LRRC7: variants seen among roughly 807,000 people sequenced by gnomAD.
LRRC7 encodes leucine-rich repeat-containing protein 7.
Under a neutral mutation model 175.7 loss-of-function variants are expected in LRRC7, and 23 were observed. The observed-to-expected ratio is 0.13, with a 90% confidence interval of 0.09 to 0.19. The LOEUF (loss-of-function observed/expected upper bound fraction) is 0.19, where lower values mean the gene tolerates loss of function less well. LRRC7 is among the 10% of genes least tolerant of loss of function. The pLI is 1.00. For missense variants in LRRC7, 1,354 were observed against 1,904.7 expected, an observed-to-expected ratio of 0.71 and a Z score of 5.38; for synonymous variants, 685 against 680.9, an observed-to-expected ratio of 1.01 and a Z score of -0.09.
chr1:69,886,412 C>G (rs1687203928), intron 7 of LRRC7, among the ~76,000 whole-genome samples: 1 of 151,438 alleles, frequency 6.6e-6, no homozygotes. Flanking sequence ...GGTTTAAAGT[C>G]TGTTTTATCA....
rs1474758251 is a variant in LRRC7, at chr1:70,124,487, T to C, written c.*2600T>C. On this transcript the variant is annotated 3_prime_UTR_variant, in exon 27 of 27. Coordinates refer to ENST00000651989, the MANE Select transcript of LRRC7 (RefSeq NM_001370785.2). ...TTGCAGTGAGCTGAGATTGTGCCAC[T>C]GCACTCCGGCCTGGGCAACAGAGCG... is the stretch of plus-strand genomic sequence containing the variant. Among the ~76,000 whole-genome samples, 1 of 152,132 alleles carries C rather than the reference T, an allele frequency of 6.6e-6. No homozygotes were observed. Among genetic ancestry groups the C allele is most frequent in the Admixed American group, 6.5e-5 (1 of 15,270 alleles).
chr1:69,856,426 G>A (rs1683635520), intron 7 of LRRC7, among the ~76,000 whole-genome samples: 1 of 152,034 alleles, frequency 6.6e-6, no homozygotes, highest in Non-Finnish European at 1.5e-5. Flanking sequence ...AATGATAAAG[G>A]AGATACCACT....
At chr1:69,776,847 G>A (rs929937546) in intron 3 of LRRC7, among the ~76,000 whole-genome samples, 64 of 150,380 alleles carry the variant, frequency 4.3e-4, no homozygotes, top group Admixed American at 4.6e-4. Flanking sequence ...GTGGGTCTGT[G>A]TGGGTGTGTG....
chr1:70,114,423 GGAGGCAGAGGCAGGAGGATTGCTT>G (rs916557528), intron 26 of LRRC7, among the ~76,000 whole-genome samples: 7 of 152,154 alleles, frequency 4.6e-5, no homozygotes, highest in Non-Finnish European at 8.8e-5. Context: ...CAGTGCTTTG[GGAGGCAGAGGCAGGAGGATTGCTT>G]GAGGCAGAGG....
At chr1:70,020,917 A>G in intron 15 of LRRC7, 88 bp from the exon 16 acceptor site, 1 of 1,010,134 alleles carries the variant, frequency 9.9e-7, no homozygotes, top group Non-Finnish European at 1.3e-6. Context: ...TGTTTGTAGT[A>G]TCTATCACCA....
intron 1 of LRRC7, among the ~76,000 whole-genome samples, chr1:69,647,365 G>A (rs1403240949): frequency 1.3e-5 from 2 of 152,028 alleles, no homozygotes; most frequent in Non-Finnish European, 2.9e-5. Flanking sequence ...CCTTTATTTT[G>A]CTTTCAATCT....
chr1:69,969,070 G>A (rs971908010), intron 8 of LRRC7, among the ~76,000 whole-genome samples: 2 of 151,806 alleles, frequency 1.3e-5, no homozygotes, highest in East Asian at 1.9e-4. Flanking sequence ...TGCCCACCTC[G>A]ACCTCCCAAA....
chr1:69,880,428 A>G (rs1686482231), intron 7 of LRRC7, among the ~76,000 whole-genome samples: 1 of 152,112 alleles, frequency 6.6e-6, no homozygotes, highest in South Asian at 2.1e-4. Context: ...TGGGTAGGAG[A>G]GTAAGGTTTT....
At chr1:70,062,636 A>C (rs1376952383) in intron 23 of LRRC7, among the ~76,000 whole-genome samples, 2 of 152,110 alleles carry the variant, frequency 1.3e-5, no homozygotes, top group Non-Finnish European at 2.9e-5. Context: ...GAAATCAAAA[A>C]TTCCATGGAA....
intron 1 of LRRC7, among the ~76,000 whole-genome samples, chr1:69,654,108 G>A (rs1656250747): frequency 1.3e-5 from 2 of 149,932 alleles, no homozygotes; most frequent in Admixed American, 1.3e-4. Flanking sequence ...TAGATCTCAT[G>A]TTATTTATTT....
chr1:69,627,716 T>C (rs961797302), intron 1 of LRRC7, among the ~76,000 whole-genome samples: 9 of 152,152 alleles, frequency 5.9e-5, no homozygotes, highest in African/African-American at 2.2e-4. Flanking sequence ...AGATCTAACA[T>C]TAAAATTTTA....
At chr1:69,617,567 A>AAAAAAAAAAAAAAAAAAAAAAAAAAAC (rs1649853721) in intron 1 of LRRC7, among the ~76,000 whole-genome samples, 1 of 150,118 alleles carries the variant, frequency 6.7e-6, no homozygotes, top group Non-Finnish European at 1.5e-5. Flanking sequence ...AAAAAAAAAA[A>AAAAAAAAAAAAAAAAAAAAAAAAAAAC]AAAAATCAGA....
chr1:69,922,444 G>A (rs879422603), intron 7 of LRRC7, among the ~76,000 whole-genome samples: 6 of 152,068 alleles, frequency 3.9e-5, no homozygotes, highest in East Asian at 1.9e-4. Context: ...TGATTTTTAC[G>A]GCAAATGCCA....
At chr1:70,105,293 G>A (rs1183512525) in intron 25 of LRRC7, among the ~76,000 whole-genome samples, 1 of 152,048 alleles carries the variant, frequency 6.6e-6, no homozygotes, top group Non-Finnish European at 1.5e-5. Context: ...GGCCAACGCT[G>A]TTAAAGCATC....
At chr1:69,811,569 A>G (rs1557760527) in intron 4 of LRRC7, among the ~76,000 whole-genome samples, 1 of 152,178 alleles carries the variant, frequency 6.6e-6, no homozygotes, top group African/African-American at 2.4e-5. Flanking sequence ...GACCATATAC[A>G]CCATGGAATA....
At chr1:70,016,816 G>C (rs915553059) in intron 14 of LRRC7, among the ~76,000 whole-genome samples, 2 of 151,936 alleles carry the variant, frequency 1.3e-5, no homozygotes, top group Admixed American at 1.3e-4. Flanking sequence ...TAACTTCTAG[G>C]TGGTACACGT....
chr1:70,046,216 A>G (rs61782630), intron 22 of LRRC7, among the ~76,000 whole-genome samples: 19,499 of 152,074 alleles, frequency 0.13, 1,716 homozygotes, highest in African/African-American at 0.24. Context: ...ACTTGAAACA[A>G]TGTTTCCTAA....
At chr1:69,713,568 T>C (rs1665022764) in intron 2 of LRRC7, among the ~76,000 whole-genome samples, 1 of 152,092 alleles carries the variant, frequency 6.6e-6, no homozygotes, top group Non-Finnish European at 1.5e-5. Context: ...ATTACTGCCA[T>C]TTTACAGAAA....
intron 23 of LRRC7, among the ~76,000 whole-genome samples, chr1:70,066,124 CAGTT>C (rs1558040063): frequency 6.6e-6 from 1 of 151,954 alleles, no homozygotes; most frequent in Non-Finnish European, 1.5e-5. Context: ...TATGGCCAGA[CAGTT>C]AGACCTTCAC....
Sources: gnomAD v4.1 joint callset for allele counts (sites outside exome capture counted in the v4.1 genomes callset) on GRCh38, gnomAD v4.1.1 for gene constraint, MANE v1.5 for transcripts, NCBI Gene and HGNC (gene_info 2026-07-23, HGNC 2026-07-21) for gene names.